Variants in CNBD1 observed in about 807,000 individuals in gnomAD.
The protein encoded by CNBD1 is cyclic nucleotide-binding domain-containing protein 1.
Under a neutral mutation model 54.4 loss-of-function variants are expected in CNBD1, and 71 were observed. The observed-to-expected ratio is 1.30, with a 90% CI of 1.08 to 1.59. The LOEUF is 1.59. CNBD1 is among the 40% of genes most tolerant of loss of function. CNBD1 has a pLI of 0.00. For missense variants in CNBD1, 659 were observed against 518.0 expected (o/e 1.27, Z -2.64); for synonymous variants, 182 against 170.7 (o/e 1.07, Z -0.51).
In CNBD1 at chr8:87,042,934, A is replaced by T. The variant is rs574425284; in HGVS notation, c.431+103180A>T. Among the ~76,000 whole-genome samples the T allele has an allele frequency of 2.2e-4, 33 of 152,270 alleles. No homozygotes were observed. In the South Asian group the frequency reaches 5.6e-3, roughly 26 times the overall value. ...TAAATACACTTATGTACATATGTGC[A>T]TATGTGTGCTGTGTGTGTTGTTGTG... On this transcript the variant is annotated intron_variant, in intron 4 of 10. Transcript: ENST00000518476.
At chr8:87,420,683 G>T (rs1380184404) in intron 2 of CNBD1, among the ~76,000 whole-genome samples, 2 of 151,426 alleles carry the variant, frequency 1.3e-5, no homozygotes, top group Non-Finnish European at 2.9e-5. Context: ...TAAATATAAT[G>T]TAATAATAAT....
intron 8 of CNBD1, among the ~76,000 whole-genome samples, chr8:87,325,650 T>G (rs10092436): frequency 0.27 from 31,163 of 114,218 alleles, 4,240 homozygotes; most frequent in Non-Finnish European, 0.32. Flanking sequence ...GTTTTCCATT[T>G]GCTTGGTAGA....
chr8:87,383,668 T>C (rs926749388), downstream of CNBD1, among the ~76,000 whole-genome samples: 13 of 152,222 alleles, frequency 8.5e-5, no homozygotes, highest in East Asian at 2.1e-3. Context: ...TTCATTGGAG[T>C]TGCAATTCTC....
In CNBD1 at chr8:87,036,223, C is replaced by T. The variant is rs555577738; in HGVS notation, c.431+96469C>T. Among the ~76,000 whole-genome samples, 325 of 152,296 alleles carry T rather than the reference C, an allele frequency of 2.1e-3. 4 individuals carry two copies. The highest frequency in any genetic ancestry group is 2.9e-3 in the Non-Finnish European group (197 of 68,030). On this transcript the variant is annotated intron_variant, in intron 4 of 10. Coordinates refer to ENST00000518476, the MANE Select transcript of CNBD1 (RefSeq NM_173538.3). The stretch of plus-strand genomic sequence containing the variant: ...TTAAATTCCAAGTCTTGATCCTTCT[C>T]CTCACCATTTATGTTTCTTCCTCGT...
At chr8:86,983,605 T>G (rs1808538243) in intron 4 of CNBD1, among the ~76,000 whole-genome samples, 4 of 152,168 alleles carry the variant, frequency 2.6e-5, no homozygotes, top group Admixed American at 2.6e-4. Flanking sequence ...TAAGGTGGTC[T>G]TAGACAGAAA....
At chr8:87,241,331 C>T (rs562891054) in intron 6 of CNBD1, among the ~76,000 whole-genome samples, 17 of 128,522 alleles carry the variant, frequency 1.3e-4, no homozygotes, top group Admixed American at 4.7e-4. Flanking sequence ...AGTGCAGTGG[C>T]GCGATCTCGG....
At chr8:86,927,833 G>A (rs1809389119) in intron 3 of CNBD1, among the ~76,000 whole-genome samples, 1 of 152,108 alleles carries the variant, frequency 6.6e-6, no homozygotes, top group South Asian at 2.1e-4. Flanking sequence ...TTTTGAGTCT[G>A]GGATATTTCC....
intron 4 of CNBD1, among the ~76,000 whole-genome samples, chr8:87,133,887 T>C (rs557967197): frequency 1.3e-5 from 2 of 152,236 alleles, no homozygotes; most frequent in Admixed American, 6.5e-5. Flanking sequence ...TTTTGACTCA[T>C]ATTTTCCCTG....
Position 87,182,938 on chromosome 8 carries a change from A to G in CNBD1, c.432-23055A>G, listed in dbSNP as rs948623557. Among the ~76,000 whole-genome samples the G allele has an allele frequency of 1.8e-4, 27 of 152,130 alleles. No homozygotes were observed. The highest frequency in any genetic ancestry group is 6.3e-4 in the African/African-American group (26 of 41,536). On this transcript the variant is annotated intron_variant, in intron 4 of 10. Coordinates refer to ENST00000518476, the MANE Select transcript of CNBD1 (RefSeq NM_173538.3). This position sits in a 1 kb window ranked among gnomAD's most constrained non-coding sequence, Gnocchi z 4.1. Reference sequence around the variant, plus strand: ...TACACTTATGTATTTTTGTTTTGTTACAATTGCTTTTGGAGACTTTGACAT... The same window carrying G: ...TACACTTATGTATTTTTGTTTTGTTGCAATTGCTTTTGGAGACTTTGACAT...
At chr8:86,903,645 A>T (rs1487871969) in intron 2 of CNBD1, among the ~76,000 whole-genome samples, 1 of 152,090 alleles carries the variant, frequency 6.6e-6, no homozygotes, top group East Asian at 1.9e-4. Flanking sequence ...TCCACTTCTT[A>T]GTTATATGAA....
At chr8:86,957,448 C>A (rs912165156) in intron 4 of CNBD1, among the ~76,000 whole-genome samples, 1 of 152,130 alleles carries the variant, frequency 6.6e-6, no homozygotes, top group African/African-American at 2.4e-5. Context: ...GGCTGTGAAT[C>A]CAGCTGGTCC....
At chr8:87,178,148 A>G (rs553287299) in intron 4 of CNBD1, among the ~76,000 whole-genome samples, 1 of 152,348 alleles carries the variant, frequency 6.6e-6, no homozygotes, top group Non-Finnish European at 1.5e-5. Flanking sequence ...ATAGTACAGA[A>G]CTTAATACAG....
At chr8:87,045,956 G>A (rs1235672924) in intron 4 of CNBD1, among the ~76,000 whole-genome samples, 1 of 149,300 alleles carries the variant, frequency 6.7e-6, no homozygotes, top group Admixed American at 6.7e-5. Flanking sequence ...CAGGGGAATC[G>A]CTTGAATCTG....
At chr8:86,900,927 T>G (rs997697528) in intron 2 of CNBD1, among the ~76,000 whole-genome samples, 2 of 152,166 alleles carry the variant, frequency 1.3e-5, no homozygotes, top group Non-Finnish European at 2.9e-5. Context: ...AATCTTAATA[T>G]TTAATTGCAA....
chr8:87,422,008 C>A (rs1355840893), intron 2 of CNBD1, among the ~76,000 whole-genome samples: 1 of 149,506 alleles, frequency 6.7e-6, no homozygotes, highest in Non-Finnish European at 1.5e-5. Flanking sequence ...TTTTGATTTG[C>A]ATTTCTCTGA....
chr8:87,006,909 C>T (rs75703974), intron 4 of CNBD1, among the ~76,000 whole-genome samples: 1 of 152,170 alleles, frequency 6.6e-6, no homozygotes, highest in Non-Finnish European at 1.5e-5. Context: ...AATAAAACTT[C>T]TTATTGGCCG....
rs180912397 is a variant in CNBD1, at chr8:87,302,026, C to G, written c.1042+15355C>G. On this transcript the variant is annotated intron_variant, in intron 8 of 10. Coordinates refer to ENST00000518476, the MANE Select transcript of CNBD1 (RefSeq NM_173538.3). ...TTACCAACCAAAAAAAGTCCAGGAC[C>G]AGACGGATTCACAGCCGAATTCTAC... 6.2e-4 allele frequency among the ~76,000 whole-genome samples: 94 copies of G among 152,174 alleles called. 2 individuals carry two copies. In the East Asian group the frequency reaches 0.018, roughly 29 times the overall value.
intron 4 of CNBD1, among the ~76,000 whole-genome samples, chr8:87,016,776 A>T (rs922861656): frequency 6.6e-6 from 1 of 152,206 alleles, no homozygotes; most frequent in Admixed American, 6.5e-5. Context: ...CTAAAAAAGC[A>T]ATCAGCCTAG....
intron 4 of CNBD1, among the ~76,000 whole-genome samples, chr8:86,962,800 A>T (rs1807965522): frequency 6.6e-6 from 1 of 151,994 alleles, no homozygotes; most frequent in Admixed American, 6.6e-5. Context: ...AAAACACAAA[A>T]AACAAAAAAC....
Sources: allele counts gnomAD v4.1 joint callset (sites outside exome capture counted in the v4.1 genomes callset), GRCh38; gene constraint gnomAD v4.1.1; non-coding constraint Gnocchi (gnomAD v3.1); transcripts MANE v1.5; gene names NCBI Gene and HGNC (gene_info 2026-07-23, HGNC 2026-07-21).